Variants in ARID2 observed in about 807,000 individuals in gnomAD.
ARID2 encodes the protein AT-rich interactive domain-containing protein 2.
A neutral mutation model predicts 184.6 loss-of-function variants in ARID2; 32 were observed. The observed-to-expected ratio is 0.17, with a 90% CI of 0.13 to 0.23. ARID2 has a LOEUF of 0.23. ARID2 is among the 10% of genes least tolerant of loss of function. The pLI is 1.00. For synonymous variants in ARID2, 836 were observed against 772.6 expected (o/e 1.08, Z -1.36); for missense variants, 1,696 against 2,197.6 (o/e 0.77, Z 4.56).
intron 16 of ARID2, among the ~76,000 whole-genome samples, chr12:45,888,149 C>T (rs1944227538): frequency 6.6e-6 from 1 of 150,628 alleles, no homozygotes; most frequent in Non-Finnish European, 1.5e-5. Context: ...GAGCCGAGAT[C>T]GCGCCACTGC....
At chr12:45,754,240 C>T (rs1186102957) in intron 3 of ARID2, among the ~76,000 whole-genome samples, 2 of 152,156 alleles carry the variant, frequency 1.3e-5, no homozygotes, top group East Asian at 3.8e-4. Context: ...CAGGTAAGTG[C>T]TTACATTTCT....
rs181465230 is a variant in ARID2 at position 45,762,119 on chromosome 12, T to C, written c.284+30805T>C. Among the ~76,000 whole-genome samples, 4 of 152,392 alleles carry C rather than the reference T, an allele frequency of 2.6e-5. No homozygotes were observed. The East Asian group carries it at 7.7e-4, about 29-fold the overall frequency. On this transcript the variant is annotated intron_variant, in intron 3 of 20. Coordinates refer to ENST00000334344, the MANE Select transcript of ARID2 (RefSeq NM_152641.4). ...CTATTTATTATGACTGTTTAAAGTT[T>C]TTTTTGATTAGTTCTGATTTTTCTT... is the stretch of plus-strand genomic sequence containing the variant.
At chr12:45,818,110 T>C (rs1379673590) in intron 5 of ARID2, among the ~76,000 whole-genome samples, 1 of 152,170 alleles carries the variant, frequency 6.6e-6, no homozygotes, top group African/African-American at 2.4e-5. Flanking sequence ...TCCTGGTTTT[T>C]AAGTTGGAGT....
At chr12:45,751,674 A>G (rs936062430) in intron 3 of ARID2, among the ~76,000 whole-genome samples, 3 of 152,250 alleles carry the variant, frequency 2.0e-5, no homozygotes, top group South Asian at 2.1e-4. Context: ...CCTAGCTGGT[A>G]GAGCCTACTA....
chr12:45,802,253 T>C (rs1942518564), intron 3 of ARID2, among the ~76,000 whole-genome samples: 1 of 151,880 alleles, frequency 6.6e-6, no homozygotes, highest in African/African-American at 2.4e-5. Flanking sequence ...TTTTGTAGAG[T>C]TGGAGTCTCA....
Position 45,837,654 on chromosome 12 carries a change from C to T in ARID2, c.1277C>T (p.Thr426Met), listed in dbSNP as rs1943244948. ...ISTLEVLYML[T>M]EMGDVACTKI... ...ACACTCGAGGTGCTATACATGCTCA[C>T]GGAAATGGGAGATGTTGCTTGCACA... is the stretch of plus-strand genomic sequence containing the variant. Residue 426 changes from threonine (T) to methionine (M), a missense_variant, in exon 10 of 21, where the codon ACG becomes ATG. Coordinates refer to ENST00000334344, the MANE Select transcript of ARID2 (RefSeq NM_152641.4). The T allele has an allele frequency of 1.2e-6, 2 of 1,613,520 alleles. No individual in the cohort carries two copies. The highest frequency in any genetic ancestry group is 1.7e-5 in the Admixed American group (1 of 59,976).
chr12:45,790,828 C>T (rs1942278853), intron 3 of ARID2, among the ~76,000 whole-genome samples: 1 of 152,136 alleles, frequency 6.6e-6, no homozygotes, highest in Non-Finnish European at 1.5e-5. Context: ...GAAAAACTTC[C>T]ATCATTTAGA....
intron 3 of ARID2, among the ~76,000 whole-genome samples, chr12:45,779,816 C>G (rs1223692639): frequency 6.6e-6 from 1 of 151,868 alleles, no homozygotes; most frequent in African/African-American, 2.4e-5. Context: ...AAGTATTTTT[C>G]TATAGAAAAA....
At chr12:45,897,638 T>C (rs1944386803) in intron 20 of ARID2, among the ~76,000 whole-genome samples, 1 of 152,124 alleles carries the variant, frequency 6.6e-6, no homozygotes, top group African/African-American at 2.4e-5. Flanking sequence ...AGGCAGGGAA[T>C]TGAAAGATAT....
chr12:45,791,662 C>T lies in ARID2; in HGVS notation c.285-19756C>T, dbSNP rs148202309. On this transcript the variant is annotated intron_variant, in intron 3 of 20. Coordinates refer to ENST00000334344, the MANE Select transcript of ARID2 (RefSeq NM_152641.4). ...AGGCTGGAGTGTAGTGGCCCAATCA[C>T]GGCTCACTGCAGTCTGGACCTCCCT... Among the ~76,000 whole-genome samples the T allele has an allele frequency of 1.5e-3, 222 of 152,212 alleles. 2 individuals carry two copies. The East Asian group carries it at 0.016, about 11-fold the overall frequency.
chr12:45,883,562 T>C (rs1209346382), intron 16 of ARID2, among the ~76,000 whole-genome samples: 1 of 148,004 alleles, frequency 6.8e-6, no homozygotes, highest in Non-Finnish European at 1.5e-5. Flanking sequence ...TTTCAGAATT[T>C]ATTTGCCAGT....
intron 3 of ARID2, among the ~76,000 whole-genome samples, chr12:45,750,531 A>G (rs1446977190): frequency 1.3e-5 from 2 of 152,240 alleles, no homozygotes; most frequent in African/African-American, 2.4e-5. Flanking sequence ...TTTAAAAAAG[A>G]TAATATCTGG....
chr12:45,814,553 G>A (rs1252092162), intron 4 of ARID2, among the ~76,000 whole-genome samples: 1 of 152,088 alleles, frequency 6.6e-6, no homozygotes, highest in Non-Finnish European at 1.5e-5. Flanking sequence ...AGGAGGCTGA[G>A]GCAGGAGAAT....
intron 20 of ARID2, among the ~76,000 whole-genome samples, chr12:45,902,634 C>G (rs1437449734): frequency 6.6e-6 from 1 of 151,208 alleles, no homozygotes; most frequent in East Asian, 1.9e-4. Flanking sequence ...TGGGTTCAAG[C>G]GATTCTCCTG....
intron 3 of ARID2, among the ~76,000 whole-genome samples, chr12:45,784,980 T>C (rs1329905739): frequency 6.6e-6 from 1 of 152,226 alleles, no homozygotes; most frequent in Non-Finnish European, 1.5e-5. Flanking sequence ...AAGAAGCTAA[T>C]ACTTGGAGCC....
chr12:45,814,931 C>T (rs1942778605), intron 4 of ARID2, among the ~76,000 whole-genome samples: 1 of 152,092 alleles, frequency 6.6e-6, no homozygotes, highest in Non-Finnish European at 1.5e-5. Context: ...GAAAATGATC[C>T]TAAAATCATC....
chr12:45,782,306 C>G (rs571242870), intron 3 of ARID2, among the ~76,000 whole-genome samples: 4 of 152,130 alleles, frequency 2.6e-5, no homozygotes, highest in East Asian at 3.9e-4. Flanking sequence ...AATGAGAAAC[C>G]TGTAAAGTAA....
rs1940949155 is a variant in ARID2 at position 45,730,087 on chromosome 12, G to C, written c.136G>C (p.Asp46His). The change falls in exon 2 of 21, where the codon GAT (aspartate) becomes CAT (histidine). Residue 46 changes from aspartate to histidine, a missense_variant. Transcript: ENST00000334344. ...CCCTGCGGTGGGTGGGAAGGAGCTG[G>C]ATCTTCACGGTCTCTACACCAGAGT... ...KIPAVGGKEL[D>H]LHGLYTRVTT... 1 of 1,613,706 alleles carries C rather than the reference G, an allele frequency of 6.2e-7. No individual in the cohort carries two copies. Among genetic ancestry groups the C allele is most frequent in the Non-Finnish European group, 8.5e-7 (1 of 1,179,790 alleles).
At chr12:45,847,860 C>G (rs1232153677) in intron 12 of ARID2, among the ~76,000 whole-genome samples, 2 of 151,932 alleles carry the variant, frequency 1.3e-5, no homozygotes, top group Non-Finnish European at 2.9e-5. Context: ...CACATTGGCC[C>G]CTTACACTTG....
Sources: gnomAD v4.1 joint callset for allele counts (sites outside exome capture counted in the v4.1 genomes callset) on GRCh38, gnomAD v4.1.1 for gene constraint, MANE v1.5 for transcripts, NCBI Gene and HGNC (gene_info 2026-07-23, HGNC 2026-07-21) for gene names.